Variants in TRAPPC9 observed in about 807,000 individuals in gnomAD.
TRAPPC9 encodes the protein trafficking protein particle complex subunit 9, also known as IKK2 binding protein.
TRAPPC9 carries 83 observed loss-of-function variants against 124.0 expected under a neutral mutation model. That is an observed-to-expected ratio of 0.67 (90% CI 0.56 to 0.80). TRAPPC9 has a LOEUF of 0.80. TRAPPC9 is among the 30% of genes least tolerant of loss of function. The pLI, the probability that TRAPPC9 is intolerant of heterozygous loss-of-function variation, is 0.00. For missense variants in TRAPPC9, 1,302 were observed against 1,508.3 expected, an observed-to-expected ratio of 0.86 and a Z score of 2.27; for synonymous variants, 638 against 617.5, an observed-to-expected ratio of 1.03 and a Z score of -0.49.
At chr8:139,985,310 T>A (rs1251810472) in intron 19 of TRAPPC9, among the ~76,000 whole-genome samples, 1 of 152,214 alleles carries the variant, frequency 6.6e-6, no homozygotes, top group Non-Finnish European at 1.5e-5. Flanking sequence ...ACTAGTGTCA[T>A]AAGACGACCA....
chr8:140,079,961 TGAA>T (rs961025673), intron 17 of TRAPPC9, among the ~76,000 whole-genome samples: 15 of 151,856 alleles, frequency 9.9e-5, no homozygotes, highest in South Asian at 2.1e-4. Flanking sequence ...ATAATAAAAA[TGAA>T]GAAGAAGGAG....
At chr8:139,797,195 T>A (rs1823160829) in intron 21 of TRAPPC9, among the ~76,000 whole-genome samples, 1 of 152,202 alleles carries the variant, frequency 6.6e-6, no homozygotes, top group South Asian at 2.1e-4. Context: ...CCATCCGGTG[T>A]GTTGTCTTTT....
chr8:140,140,274 C>G (rs2061364071), intron 17 of TRAPPC9, among the ~76,000 whole-genome samples: 2 of 152,210 alleles, frequency 1.3e-5, no homozygotes, highest in Admixed American at 1.3e-4. Flanking sequence ...CTTCCTTAAA[C>G]CACTCCTTCG....
chr8:140,054,508 G>GA (rs1373787434), intron 17 of TRAPPC9, among the ~76,000 whole-genome samples: 3 of 151,696 alleles, frequency 2.0e-5, no homozygotes, highest in African/African-American at 7.3e-5. Context: ...TGAGGAATGA[G>GA]AAAAAAACAA....
At chr8:140,197,917 G>A (rs1223565952) in intron 17 of TRAPPC9, among the ~76,000 whole-genome samples, 3 of 152,300 alleles carry the variant, frequency 2.0e-5, no homozygotes, top group African/African-American at 2.4e-5. Flanking sequence ...TTCAAGAAAC[G>A]AGAGAAGGCT....
At chr8:139,821,520 G>A (rs1372951581) in intron 21 of TRAPPC9, among the ~76,000 whole-genome samples, 1 of 152,214 alleles carries the variant, frequency 6.6e-6, no homozygotes. Context: ...ATCTCCATAT[G>A]CATCAATGTG....
chr8:140,285,045 C>T (rs1283433936), intron 13 of TRAPPC9, among the ~76,000 whole-genome samples: 1 of 152,144 alleles, frequency 6.6e-6, no homozygotes, highest in Non-Finnish European at 1.5e-5. Context: ...CTTTTCTTAC[C>T]TGTTGCTTAA....
rs571879139 is a variant in TRAPPC9 at position 140,384,633 on chromosome 8, C to T, written c.1134+12987G>A. Among the ~76,000 whole-genome samples, 558 of 152,292 alleles carry T rather than the reference C, an allele frequency of 3.7e-3. 5 individuals carry two copies. The highest frequency in any genetic ancestry group is 0.013 in the African/African-American group (523 of 41,564). ...AGAAGAGCTAACTATCCTAAATATA[C>T]ATGCACCCAATACAGGAGCATCCAG... On this transcript the variant is annotated intron_variant, in intron 7 of 22. Transcript: ENST00000438773.
At chr8:140,141,287 G>GCATGATGAATCTCTCACCGCC (rs1293421756) in intron 17 of TRAPPC9, among the ~76,000 whole-genome samples, 2 of 152,202 alleles carry the variant, frequency 1.3e-5, no homozygotes, top group Non-Finnish European at 2.9e-5. Context: ...CTTCTGAGTA[G>GCATGATGAATCTCTCACCGCC]CATGATGAAT....
Position 140,271,553 on chromosome 8 carries a change from CAG to C in TRAPPC9, c.2278+4103_2278+4104del, listed in dbSNP as rs920750635. On this transcript the variant is annotated intron_variant, in intron 15 of 22. Coordinates refer to ENST00000438773, the MANE Select transcript of TRAPPC9 (RefSeq NM_001160372.4). ...GGGGAGGGAGAAACAGAGATAGAGA[CAG>C]AGAGAGAGAAGACAACCAATGGGGG... is the stretch of plus-strand genomic sequence containing the variant. 3.3e-5 allele frequency among the ~76,000 whole-genome samples: 5 copies of C among 151,920 alleles called. No homozygotes were observed. In the East Asian group the frequency reaches 9.7e-4, roughly 29 times the overall value.
intron 16 of TRAPPC9, among the ~76,000 whole-genome samples, chr8:140,247,540 A>G (rs2064016451): frequency 6.6e-6 from 1 of 151,960 alleles, no homozygotes; most frequent in South Asian, 2.1e-4. Context: ...CAGTGTACCC[A>G]TTCATGCAAC....
chr8:139,992,392 A>G (rs377556912), intron 18 of TRAPPC9, among the ~76,000 whole-genome samples: 33 of 152,246 alleles, frequency 2.2e-4, no homozygotes, highest in East Asian at 1.5e-3. Context: ...TCCCAAATCC[A>G]AAACTCGGAG....
intron 20 of TRAPPC9, among the ~76,000 whole-genome samples, chr8:139,899,332 T>G (rs2131207773): frequency 6.6e-6 from 1 of 152,276 alleles, no homozygotes; most frequent in Non-Finnish European, 1.5e-5. Flanking sequence ...AATTAACACG[T>G]ATTTTGCATG....
At chr8:139,790,137 G>A (rs1275011225) in intron 21 of TRAPPC9, among the ~76,000 whole-genome samples, 10 of 152,284 alleles carry the variant, frequency 6.6e-5, no homozygotes, top group East Asian at 1.9e-4. Context: ...ACACACACAC[G>A]GGCAAGGACA....
intron 16 of TRAPPC9, among the ~76,000 whole-genome samples, chr8:140,237,796 G>C (rs2063760147): frequency 6.6e-6 from 1 of 152,142 alleles, no homozygotes; most frequent in Non-Finnish European, 1.5e-5. Context: ...TTAGAAACAT[G>C]ACTGCGGTGA....
intron 5 of TRAPPC9, among the ~76,000 whole-genome samples, chr8:140,423,033 T>C (rs552487979): frequency 3.9e-5 from 6 of 152,312 alleles, no homozygotes; most frequent in African/African-American, 1.4e-4. Flanking sequence ...CTAGTAGTAA[T>C]GTAAAGTGGT....
rs998816290 is a variant in TRAPPC9, at chr8:140,428,193, T to C, written c.860-1552A>G. Among the ~76,000 whole-genome samples, 14 of 152,224 alleles carry C rather than the reference T, an allele frequency of 9.2e-5. 1 individual carries two copies. The highest frequency in any genetic ancestry group is 8.5e-4 in the Admixed American group (13 of 15,284). Reference sequence around the variant, plus strand: ...TAGGTAGGGGATATGAGTTAAACTTTTGATGCCCCAGAGTTATTATCACAA... The same window carrying C: ...TAGGTAGGGGATATGAGTTAAACTTCTGATGCCCCAGAGTTATTATCACAA... On this transcript the variant is annotated intron_variant, in intron 4 of 22. Transcript: ENST00000438773.
chr8:140,443,526 C>T (rs1367373800), intron 2 of TRAPPC9, among the ~76,000 whole-genome samples: 4 of 152,078 alleles, frequency 2.6e-5, no homozygotes, highest in African/African-American at 9.7e-5. Flanking sequence ...AGCCTTTTGA[C>T]TACGTGCCTG....
chr8:139,885,557 C>T (rs936623334), intron 21 of TRAPPC9, among the ~76,000 whole-genome samples: 5 of 152,286 alleles, frequency 3.3e-5, no homozygotes, highest in African/African-American at 9.6e-5. Flanking sequence ...TTTCGGAAGA[C>T]GGCCCACTCT....
Sources: allele counts gnomAD v4.1 joint callset (sites outside exome capture counted in the v4.1 genomes callset), GRCh38; gene constraint gnomAD v4.1.1; transcripts MANE v1.5; gene names NCBI Gene and HGNC (gene_info 2026-07-23, HGNC 2026-07-21).